GRID1: variants seen among roughly 807,000 people sequenced by gnomAD.
GRID1 encodes the protein glutamate ionotropic receptor delta type subunit 1, also known as glutamate receptor ionotropic, delta-1.
In GRID1, 28 loss-of-function variants were observed where a neutral mutation model predicts 98.0. The observed-to-expected ratio is 0.29, with a 90% CI of 0.21 to 0.39. The LOEUF (loss-of-function observed/expected upper bound fraction) is 0.39, where lower values mean the gene tolerates loss of function less well. GRID1 is among the 10% of genes least tolerant of loss of function. The probability of loss-of-function intolerance (pLI) is 1.00; values close to 1 mark genes in which losing one functional copy is unlikely to be tolerated. For synonymous variants in GRID1, 553 were observed against 538.5 expected (o/e 1.03, Z -0.37); for missense variants, 1,111 against 1,340.5 (o/e 0.83, Z 2.67).
intron 8 of GRID1, among the ~76,000 whole-genome samples, chr10:85,803,550 TTC>T (rs1422213179): frequency 6.6e-6 from 1 of 151,994 alleles, no homozygotes; most frequent in African/African-American, 2.4e-5. Context: ...GCAGAAAATA[TTC>T]TGTGACCAAA....
At chr10:86,268,070 C>T (rs1230016606) in intron 2 of GRID1, among the ~76,000 whole-genome samples, 1 of 152,176 alleles carries the variant, frequency 6.6e-6, no homozygotes, top group East Asian at 1.9e-4. Flanking sequence ...ACTGTCCCTT[C>T]CCTAGACAGT....
chr10:85,879,823 G>T (rs908703338), intron 5 of GRID1, among the ~76,000 whole-genome samples: 1 of 152,084 alleles, frequency 6.6e-6, no homozygotes, highest in African/African-American at 2.4e-5. Flanking sequence ...AAAAATTAAT[G>T]AATCCAGGAG....
chr10:86,296,759 A>G (rs1847596887), intron 2 of GRID1, among the ~76,000 whole-genome samples: 1 of 146,072 alleles, frequency 6.8e-6, no homozygotes, highest in Admixed American at 7.2e-5. Context: ...ATATAAATAC[A>G]TACATACATA....
chr10:85,686,324 G>A (rs1590189757), intron 12 of GRID1, among the ~76,000 whole-genome samples: 1 of 152,286 alleles, frequency 6.6e-6, no homozygotes. Context: ...ACTTGAGCCA[G>A]TGATTCTATT....
chr10:86,130,290 C>T (rs764783973), intron 4 of GRID1, among the ~76,000 whole-genome samples: 1 of 152,226 alleles, frequency 6.6e-6, no homozygotes, highest in Non-Finnish European at 1.5e-5. Flanking sequence ...CAGATTCCTA[C>T]CAGTGATGTA....
At chr10:85,729,658 C>T (rs12241671) in intron 8 of GRID1, 44 bp from the exon 9 acceptor site, 40,745 of 1,241,594 alleles carry the variant, frequency 0.033, 1,313 homozygotes, top group East Asian at 0.11. Flanking sequence ...AACTGGCACC[C>T]GTGCACACCA....
intron 4 of GRID1, among the ~76,000 whole-genome samples, chr10:86,016,759 T>C (rs540632666): frequency 4.6e-5 from 7 of 152,228 alleles, no homozygotes; most frequent in Admixed American, 2.0e-4. Flanking sequence ...GCCTCCCATT[T>C]CTAAACCCAG....
intron 8 of GRID1, among the ~76,000 whole-genome samples, chr10:85,765,022 T>C (rs757958150): frequency 1.3e-5 from 2 of 152,188 alleles, no homozygotes; most frequent in Non-Finnish European, 2.9e-5. Flanking sequence ...TGATATTTAT[T>C]TAGAATTTAG....
At chr10:86,060,398 A>G (rs1354354677) in intron 4 of GRID1, among the ~76,000 whole-genome samples, 11 of 152,174 alleles carry the variant, frequency 7.2e-5, no homozygotes, top group African/African-American at 2.4e-4. Context: ...AGCTTGCCCA[A>G]TTCTACCCAC....
intron 5 of GRID1, among the ~76,000 whole-genome samples, chr10:85,898,472 TTAAC>T (rs1185246338): frequency 6.6e-6 from 1 of 152,242 alleles, no homozygotes; most frequent in African/African-American, 2.4e-5. Flanking sequence ...CTTTATAAAC[TTAAC>T]TATTTTAACT....
intron 2 of GRID1, among the ~76,000 whole-genome samples, chr10:86,218,941 C>G (rs896679310): frequency 1.3e-5 from 2 of 152,206 alleles, no homozygotes; most frequent in African/African-American, 4.8e-5. Context: ...GTACATCATC[C>G]TGGCCTGGCC....
At chr10:85,993,223 G>A (rs1842702838) in intron 4 of GRID1, among the ~76,000 whole-genome samples, 1 of 152,176 alleles carries the variant, frequency 6.6e-6, no homozygotes, top group Non-Finnish European at 1.5e-5. Flanking sequence ...GACAAGGGGA[G>A]GGATGTGGGA....
At chr10:85,918,354 C>A (rs181283918) in intron 4 of GRID1, among the ~76,000 whole-genome samples, 19 of 152,212 alleles carry the variant, frequency 1.2e-4, no homozygotes, top group African/African-American at 4.6e-4. Flanking sequence ...GTCACTTAAC[C>A]ACTCTGGTCT....
intron 5 of GRID1, among the ~76,000 whole-genome samples, chr10:85,914,508 T>C (rs1258889088): frequency 6.6e-6 from 1 of 152,100 alleles, no homozygotes; most frequent in Non-Finnish European, 1.5e-5. Flanking sequence ...GCGGCAGTCA[T>C]GTCCCTTCTA....
At chr10:85,734,978 T>C (rs973948090) in intron 8 of GRID1, among the ~76,000 whole-genome samples, 3 of 152,160 alleles carry the variant, frequency 2.0e-5, no homozygotes, top group African/African-American at 7.2e-5. Flanking sequence ...CTCGCCACTC[T>C]GAATGCTCAG....
chr10:85,845,110 GA>G (rs1415869954), intron 8 of GRID1, among the ~76,000 whole-genome samples: 1 of 150,022 alleles, frequency 6.7e-6, no homozygotes, highest in African/African-American at 2.5e-5. Context: ...ACAGGAGAAA[GA>G]AATAAAAAAA....
At chr10:85,801,011 T>C (rs898431653) in intron 8 of GRID1, among the ~76,000 whole-genome samples, 1 of 152,132 alleles carries the variant, frequency 6.6e-6, no homozygotes, top group Non-Finnish European at 1.5e-5. Context: ...TCTGGGATTA[T>C]TGATTTGGAG....
At chr10:85,767,499 A>C (rs1842209190) in intron 8 of GRID1, among the ~76,000 whole-genome samples, 1 of 152,206 alleles carries the variant, frequency 6.6e-6, no homozygotes, top group African/African-American at 2.4e-5. Context: ...TATGATGGGA[A>C]AAAGAACTTT....
chr10:86,140,877 G>A (rs1279361559), intron 3 of GRID1, among the ~76,000 whole-genome samples: 1 of 152,134 alleles, frequency 6.6e-6, no homozygotes, highest in Non-Finnish European at 1.5e-5. Flanking sequence ...GGGAGTACGG[G>A]GAGCCCACCT....
Sources: gnomAD v4.1 joint callset for allele counts (sites outside exome capture counted in the v4.1 genomes callset) on GRCh38, gnomAD v4.1.1 for gene constraint, MANE v1.5 for transcripts, NCBI Gene and HGNC (gene_info 2026-07-23, HGNC 2026-07-21) for gene names.